FIGN: variants seen among roughly 807,000 people sequenced by gnomAD.
The protein encoded by FIGN is fidgetin, microtubule severing factor, also known as fidgetin.
Under a neutral mutation model 51.3 loss-of-function variants are expected in FIGN, and 11 were observed. That is an observed-to-expected ratio of 0.21 (90% confidence interval 0.13 to 0.35). FIGN has a LOEUF of 0.35. FIGN is among the 10% of genes least tolerant of loss of function. The pLI, the probability that FIGN is intolerant of heterozygous loss-of-function variation, is 1.00. For synonymous variants in FIGN, 407 were observed against 363.2 expected (o/e 1.12, Z -1.37); for missense variants, 857 against 943.6 (o/e 0.91, Z 1.20).
At chr2:163,696,168 A>G (rs970655680) in intron 2 of FIGN, among the ~76,000 whole-genome samples, 1 of 152,138 alleles carries the variant, frequency 6.6e-6, no homozygotes, top group African/African-American at 2.4e-5. Context: ...CTGAATAAAG[A>G]CATGAAAAGA....
intron 2 of FIGN, among the ~76,000 whole-genome samples, chr2:163,645,110 TAAAG>T (rs577615343): frequency 1.6e-4 from 25 of 152,078 alleles, no homozygotes; most frequent in Non-Finnish European, 2.9e-4. Flanking sequence ...ATAAAACACT[TAAAG>T]AAAAAAATTA....
intron 2 of FIGN, among the ~76,000 whole-genome samples, chr2:163,643,000 T>C (rs1358433372): frequency 6.6e-6 from 1 of 151,286 alleles, no homozygotes; most frequent in Admixed American, 6.6e-5. Context: ...CCTATCAGAA[T>C]CCCAAATTAC....
intron 2 of FIGN, among the ~76,000 whole-genome samples, chr2:163,627,610 C>A (rs114590921): frequency 0.014 from 2,130 of 152,152 alleles, 58 homozygotes; most frequent in African/African-American, 0.049. Context: ...AGTTTCTTCT[C>A]AAAATGAATT....
intron 2 of FIGN, among the ~76,000 whole-genome samples, chr2:163,720,470 T>C (rs1684739673): frequency 6.6e-6 from 1 of 152,222 alleles, no homozygotes; most frequent in Admixed American, 6.5e-5. Context: ...TTTTCATGCA[T>C]TTGGGACAAA....
chr2:163,655,188 C>A (rs1314702722), intron 2 of FIGN, among the ~76,000 whole-genome samples: 1 of 152,116 alleles, frequency 6.6e-6, no homozygotes, highest in Non-Finnish European at 1.5e-5. Context: ...GTAGCCAACA[C>A]TTGACAAACC....
At chr2:163,696,359 G>C (rs924904512) in intron 2 of FIGN, among the ~76,000 whole-genome samples, 1 of 151,768 alleles carries the variant, frequency 6.6e-6, no homozygotes, top group African/African-American at 2.4e-5. Context: ...CCATGAAACA[G>C]ACTAGAAAAA....
intron 2 of FIGN, among the ~76,000 whole-genome samples, chr2:163,698,628 A>C: frequency 6.6e-6 from 1 of 152,298 alleles, no homozygotes; most frequent in South Asian, 2.1e-4. Flanking sequence ...ACATCTAATT[A>C]ATGAAAGATG....
chr2:163,642,007 T>G (rs1048512538), intron 2 of FIGN, among the ~76,000 whole-genome samples: 4 of 152,224 alleles, frequency 2.6e-5, no homozygotes, highest in Non-Finnish European at 5.9e-5. Flanking sequence ...ACTGTCTTAT[T>G]AATCTCTTAT....
chr2:163,630,154 C>T (rs944606007), intron 2 of FIGN, among the ~76,000 whole-genome samples: 1 of 151,070 alleles, frequency 6.6e-6, no homozygotes, highest in Non-Finnish European at 1.5e-5. Flanking sequence ...TTTGTAGAAA[C>T]GAGGTGTCAT....
chr2:163,667,288 T>C (rs1489782782), intron 2 of FIGN, among the ~76,000 whole-genome samples: 1 of 149,190 alleles, frequency 6.7e-6, no homozygotes, highest in Non-Finnish European at 1.5e-5. Flanking sequence ...CTCTCCTAAC[T>C]GGCCTAACTG....
chr2:163,647,944 G>A (rs1292779371), intron 2 of FIGN, among the ~76,000 whole-genome samples: 1 of 152,100 alleles, frequency 6.6e-6, no homozygotes, highest in Non-Finnish European at 1.5e-5. Context: ...AGGAGACAAG[G>A]TGTAATAGAT....
At position 163,625,936 on chromosome 2, in the gene FIGN, A is replaced by C. The variant is rs140713454; in HGVS notation, c.26-14130T>G. On this transcript the variant is annotated intron_variant, in intron 2 of 2. Transcript: ENST00000333129. ...TAAATGAAAAAGTACAAAAAATAAC[A>C]AGAGACCAAGAATTTATACCCATTC... 1.1e-4 allele frequency among the ~76,000 whole-genome samples: 16 copies of C among 152,266 alleles called. No individual in the cohort carries two copies. The East Asian group carries it at 3.1e-3, about 29-fold the overall frequency.
In FIGN at chr2:163,695,935, C is replaced by G. The variant is rs565306991; in HGVS notation, c.25+38968G>C. Among the ~76,000 whole-genome samples, 6 of 152,092 alleles carry G rather than the reference C, an allele frequency of 3.9e-5. No homozygotes were observed. The East Asian group carries it at 1.2e-3, about 30-fold the overall frequency. On this transcript the variant is annotated intron_variant, in intron 2 of 2. Transcript: ENST00000333129. ...CCAGCCTGGCCAATATGGTGAAACCCCAGGGTCTCTACTAAATATACAAAA... is the reference window on the plus strand; with the variant it reads ...CCAGCCTGGCCAATATGGTGAAACCGCAGGGTCTCTACTAAATATACAAAA...
At position 163,604,166 on chromosome 2, in the gene FIGN, TG is replaced by T. The variant is rs1156434499; in HGVS notation, c.*5385del. ...ATTTTCAATCACTGAAGACTATAGTTGAAAATAGTTAAGTACCATTATTTCT... is the reference window on the plus strand; with the variant it reads ...ATTTTCAATCACTGAAGACTATAGTTAAAATAGTTAAGTACCATTATTTCT... On this transcript the variant is annotated 3_prime_UTR_variant, in exon 3 of 3. Transcript: ENST00000333129. The T allele has an allele frequency of 5.3e-5, 8 of 152,120 alleles. No individual in the cohort carries two copies. Among genetic ancestry groups the T allele is most frequent in the African/African-American group, 1.9e-4 (8 of 41,454 alleles). The allele number at this position is 152,120 out of a possible 1,614,324, so 9.4% of individuals were successfully genotyped here.
chr2:163,646,441 T>C (rs1573924038), intron 2 of FIGN, among the ~76,000 whole-genome samples: 1 of 152,142 alleles, frequency 6.6e-6, no homozygotes, highest in African/African-American at 2.4e-5. Context: ...AATTAAGGAC[T>C]CATGCCAACA....
At chr2:163,667,581 C>T (rs1344660814) in intron 2 of FIGN, among the ~76,000 whole-genome samples, 1 of 152,196 alleles carries the variant, frequency 6.6e-6, no homozygotes, top group East Asian at 1.9e-4. Context: ...TACCACTGTG[C>T]CTTGGCATAT....
intron 2 of FIGN, among the ~76,000 whole-genome samples, chr2:163,641,549 T>C (rs1354786017): frequency 1.3e-5 from 2 of 152,238 alleles, no homozygotes; most frequent in African/African-American, 4.8e-5. Flanking sequence ...TAGGAAACGT[T>C]CCATTATACC....
At chr2:163,724,754 G>A (rs1684814292) in intron 2 of FIGN, among the ~76,000 whole-genome samples, 1 of 152,064 alleles carries the variant, frequency 6.6e-6, no homozygotes, top group Non-Finnish European at 1.5e-5. Context: ...AAAAACTTGA[G>A]TATGTTAAGA....
chr2:163,670,478 CTA>C lies in FIGN; in HGVS notation c.26-58674_26-58673del, dbSNP rs1683859050. On this transcript the variant is annotated intron_variant, in intron 2 of 2. Coordinates refer to ENST00000333129, the MANE Select transcript of FIGN (RefSeq NM_018086.4). ...CATAGATTTCTGAGTCCAGATCTGT[CTA>C]TGTTTATTTAAACAGCCTCACATTC... Among the ~76,000 whole-genome samples, 3 of 152,188 alleles carry C rather than the reference CTA, an allele frequency of 2.0e-5. No individual in the cohort carries two copies. In the South Asian group the frequency reaches 6.2e-4, roughly 32 times the overall value.
Sources: gnomAD v4.1 joint callset for allele counts (sites outside exome capture counted in the v4.1 genomes callset) on GRCh38, gnomAD v4.1.1 for gene constraint, MANE v1.5 for transcripts, NCBI Gene and HGNC (gene_info 2026-07-23, HGNC 2026-07-21) for gene names.